The following KPNA4 variants were observed in gnomAD, a reference collection of about 807,000 sequenced individuals.
KPNA4 encodes karyopherin subunit alpha 4, also known as importin subunit alpha-3.
Under a neutral mutation model 71.3 loss-of-function variants are expected in KPNA4, and 13 were observed. That is an observed-to-expected ratio of 0.18 (90% CI 0.12 to 0.29). The LOEUF is 0.29. KPNA4 is among the 10% of genes least tolerant of loss of function. The pLI is 1.00. For missense variants in KPNA4, 334 were observed against 603.2 expected, an observed-to-expected ratio of 0.55 and a Z score of 4.67; for synonymous variants, 189 against 195.2, an observed-to-expected ratio of 0.97 and a Z score of 0.26.
At chr3:160,548,534 A>G (rs556366902) in intron 1 of KPNA4, among the ~76,000 whole-genome samples, 18 of 152,118 alleles carry the variant, frequency 1.2e-4, no homozygotes, top group Admixed American at 2.0e-4. Context: ...GGTACCTTGT[A>G]TAAGTGGAAT....
chr3:160,530,942 T>TA lies in KPNA4; in HGVS notation c.384-3dup. 1 of 1,593,782 alleles carries TA rather than the reference T, an allele frequency of 6.3e-7. No homozygotes were observed. The highest frequency in any genetic ancestry group is 1.4e-5 in the African/African-American group (1 of 73,894). On this transcript the variant is annotated splice_polypyrimidine_tract_variant and splice_region_variant and intron_variant, in intron 6 of 16. Transcript: ENST00000334256. ...GCAGCTTCAAACTGTAAAGAAGGAC[T>TA]ACAAAAAAAAACAAGTATTTTTAAA...
chr3:160,539,568 G>A (rs1276861822), intron 1 of KPNA4, among the ~76,000 whole-genome samples: 3 of 152,170 alleles, frequency 2.0e-5, no homozygotes, highest in African/African-American at 7.2e-5. Context: ...GTGAATTGGA[G>A]AGCCAATGGT....
At chr3:160,520,941 C>G (rs1721336153) in intron 11 of KPNA4, among the ~76,000 whole-genome samples, 1 of 152,178 alleles carries the variant, frequency 6.6e-6, no homozygotes, top group African/African-American at 2.4e-5. Flanking sequence ...CTGCTTATAT[C>G]TCTGAGAACT....
At chr3:160,553,654 C>T (rs768253559) in intron 1 of KPNA4, among the ~76,000 whole-genome samples, 8 of 152,064 alleles carry the variant, frequency 5.3e-5, no homozygotes, top group Non-Finnish European at 1.2e-4. Flanking sequence ...AAAACAAGTC[C>T]CCACTAGGAT....
At chr3:160,553,512 C>G (rs907281687) in intron 1 of KPNA4, among the ~76,000 whole-genome samples, 2 of 152,308 alleles carry the variant, frequency 1.3e-5, no homozygotes, top group East Asian at 3.9e-4. Flanking sequence ...GATCCATGAA[C>G]ACCTACCATC....
At chr3:160,555,682 A>C (rs556634876) in intron 1 of KPNA4, among the ~76,000 whole-genome samples, 1 of 152,292 alleles carries the variant, frequency 6.6e-6, no homozygotes, top group South Asian at 2.1e-4. Flanking sequence ...ACTGCAGGTA[A>C]CTAAAACTGC....
At chr3:160,557,130 T>C (rs17826269) in intron 1 of KPNA4, among the ~76,000 whole-genome samples, 262 of 152,326 alleles carry the variant, frequency 1.7e-3, no homozygotes, top group Non-Finnish European at 3.2e-3. Flanking sequence ...CAAGGAGTGA[T>C]GTTAACAATT....
At chr3:160,531,072 T>C (rs945116545) in intron 6 of KPNA4, 132 bp from the exon 7 acceptor site, 1 of 634,234 alleles carries the variant, frequency 1.6e-6, no homozygotes, top group Admixed American at 3.2e-5. Context: ...ATCCAGCATA[T>C]TTTTTTAACC....
intron 11 of KPNA4, among the ~76,000 whole-genome samples, chr3:160,519,981 A>G (rs981438227): frequency 1.5e-4 from 23 of 152,178 alleles, no homozygotes; most frequent in African/African-American, 2.7e-4. Context: ...GTTGAAAAGT[A>G]TAAGAAAATC....
In KPNA4 at chr3:160,564,450, C is replaced by G. The variant is rs182399876; in HGVS notation, c.69+764G>C. The G allele has an allele frequency of 3.3e-5, 5 of 152,332 alleles. No homozygotes were observed. In the East Asian group the frequency reaches 9.7e-4, roughly 29 times the overall value. The allele number at this position is 152,332 out of a possible 1,614,324, so 9.4% of individuals were successfully genotyped here. On this transcript the variant is annotated intron_variant, in intron 1 of 16. Coordinates refer to ENST00000334256, the MANE Select transcript of KPNA4 (RefSeq NM_002268.5). Reference sequence around the variant, plus strand: ...GTAAGAATGCAGCTGGTGGTCTCCTCTCAGGAGGGGGTAAAGAGATTTGTG... The same window carrying G: ...GTAAGAATGCAGCTGGTGGTCTCCTGTCAGGAGGGGGTAAAGAGATTTGTG...
intron 10 of KPNA4, among the ~76,000 whole-genome samples, chr3:160,523,719 C>T (rs968335673): frequency 1.3e-5 from 2 of 151,922 alleles, no homozygotes; most frequent in Non-Finnish European, 2.9e-5. Context: ...GGCGTGGTGG[C>T]GGGCATCTGT....
In KPNA4 at chr3:160,503,378, C is replaced by T. The variant is rs539853454; in HGVS notation, c.1468-1176G>A. Among the ~76,000 whole-genome samples, 24 of 152,196 alleles carry T rather than the reference C, an allele frequency of 1.6e-4. No individual in the cohort carries two copies. In the South Asian group the frequency reaches 5.0e-3, roughly 32 times the overall value. On this transcript the variant is annotated intron_variant, in intron 16 of 16. Coordinates refer to ENST00000334256, the MANE Select transcript of KPNA4 (RefSeq NM_002268.5). ...ACCAATATGATGCTCAAAGGAAATGCTCATTGGAACATTTTGAATTTCAGA... is the reference window on the plus strand; with the variant it reads ...ACCAATATGATGCTCAAAGGAAATGTTCATTGGAACATTTTGAATTTCAGA...
At chr3:160,525,617 CAT>C (rs902143312) in intron 10 of KPNA4, among the ~76,000 whole-genome samples, 181 bp downstream of exon 10, 1 of 152,116 alleles carries the variant, frequency 6.6e-6, no homozygotes, top group African/African-American at 2.4e-5. Flanking sequence ...TATAGATAAA[CAT>C]AGAGTAAATA....
chr3:160,519,497 G>A (rs1413367075), intron 11 of KPNA4, among the ~76,000 whole-genome samples: 1 of 152,108 alleles, frequency 6.6e-6, no homozygotes, highest in African/African-American at 2.4e-5. Context: ...TTGTGGTTAT[G>A]TTAAAAAAAA....
intron 11 of KPNA4, among the ~76,000 whole-genome samples, chr3:160,516,750 C>A (rs1721234180): frequency 6.6e-6 from 1 of 151,972 alleles, no homozygotes; most frequent in South Asian, 2.1e-4. Flanking sequence ...CCAGCCTGGA[C>A]AACAGAGTAA....
At chr3:160,545,816 T>C (rs1263708876) in intron 1 of KPNA4, among the ~76,000 whole-genome samples, 1 of 152,088 alleles carries the variant, frequency 6.6e-6, no homozygotes, top group African/African-American at 2.4e-5. Context: ...TGAGTCTGAA[T>C]ATATTTTGAA....
chr3:160,519,652 G>T (rs375219034), intron 11 of KPNA4, among the ~76,000 whole-genome samples: 5 of 151,396 alleles, frequency 3.3e-5, no homozygotes, highest in Non-Finnish European at 7.4e-5. Flanking sequence ...AAAATTAGCC[G>T]GGCGCGGTGG....
intron 10 of KPNA4, among the ~76,000 whole-genome samples, chr3:160,522,883 G>GAAA (rs11400875): frequency 7.3e-5 from 10 of 137,352 alleles, no homozygotes; most frequent in African/African-American, 1.9e-4. Flanking sequence ...TGCTACTTAT[G>GAAA]AAAAAAAAAA....
At chr3:160,513,957 A>G in intron 13 of KPNA4, 120 bp downstream of exon 13, 1 of 459,864 alleles carries the variant, frequency 2.2e-6, no homozygotes, top group Non-Finnish European at 3.5e-6. Flanking sequence ...TTACTTTACT[A>G]TATTTATGCC....
Sources: gnomAD v4.1 joint callset for allele counts (sites outside exome capture counted in the v4.1 genomes callset) on GRCh38, gnomAD v4.1.1 for gene constraint, MANE v1.5 for transcripts, NCBI Gene and HGNC (gene_info 2026-07-23, HGNC 2026-07-21) for gene names.